The following DLG2 variants were observed in gnomAD, a reference collection of about 807,000 sequenced individuals.
DLG2 encodes the protein discs large MAGUK scaffold protein 2, also known as disks large homolog 2.
Under a neutral mutation model 132.5 loss-of-function variants are expected in DLG2, and 45 were observed. The observed-to-expected ratio is 0.34, with a 90% confidence interval of 0.27 to 0.44. The LOEUF (loss-of-function observed/expected upper bound fraction) is 0.44, where lower values mean the gene tolerates loss of function less well. Ranked by LOEUF, DLG2 falls within the 20% of genes least tolerant of loss-of-function variation. The pLI is 1.00. For synonymous variants in DLG2, 424 were observed against 419.6 expected (o/e 1.01, Z -0.13); for missense variants, 1,045 against 1,196.9 (o/e 0.87, Z 1.87).
At chr11:84,520,522 T>G (rs2099293697) in intron 7 of DLG2, among the ~76,000 whole-genome samples, 1 of 152,190 alleles carries the variant, frequency 6.6e-6, no homozygotes, top group Admixed American at 6.5e-5. Flanking sequence ...ACATTGGTTG[T>G]TTGGAAGTCC....
In DLG2 at chr11:83,457,548, C is replaced by G. The variant is rs1160526041; in HGVS notation, c.*2270G>C. ...GGGTTGGTGGTTCAATTTGATTGTA[C>G]TTAGCCACAGCAACACTAGTAAATG... On this transcript the variant is annotated 3_prime_UTR_variant, in exon 28 of 28. Transcript: ENST00000376104. 1 of 152,590 alleles carries G rather than the reference C, an allele frequency of 6.6e-6. No homozygotes were observed. Among genetic ancestry groups the G allele is most frequent in the Non-Finnish European group, 1.5e-5 (1 of 68,038 alleles). The allele number at this position is 152,590 out of a possible 1,614,324, so 9.5% of individuals were successfully genotyped here.
At chr11:84,161,862 T>C (rs2095554661) in intron 9 of DLG2, among the ~76,000 whole-genome samples, 1 of 152,158 alleles carries the variant, frequency 6.6e-6, no homozygotes, top group Non-Finnish European at 1.5e-5. Flanking sequence ...TTTTGTCTCA[T>C]TTGAGCTCAT....
chr11:85,560,681 T>A (rs1036240477), intron 3 of DLG2, among the ~76,000 whole-genome samples: 11 of 151,894 alleles, frequency 7.2e-5, no homozygotes, highest in African/African-American at 2.7e-4. Flanking sequence ...GATACACTTA[T>A]AATGGATAAA....
intron 2 of DLG2, among the ~76,000 whole-genome samples, chr11:85,624,073 C>A (rs2153277220): frequency 6.6e-6 from 1 of 152,194 alleles, no homozygotes; most frequent in South Asian, 2.1e-4. Context: ...GGAAAAAAAA[C>A]CTTCTATGAG....
At chr11:85,054,954 C>T (rs574776581) in intron 6 of DLG2, among the ~76,000 whole-genome samples, 7 of 152,186 alleles carry the variant, frequency 4.6e-5, no homozygotes, top group African/African-American at 9.6e-5. Flanking sequence ...CCAGTACGAA[C>T]GCAGCATCAT....
intron 18 of DLG2, among the ~76,000 whole-genome samples, chr11:83,674,693 T>C (rs2077393666): frequency 6.6e-6 from 1 of 152,252 alleles, no homozygotes; most frequent in Non-Finnish European, 1.5e-5. Context: ...GACTCAAGCA[T>C]GTTTTCTGAG....
intron 14 of DLG2, among the ~76,000 whole-genome samples, chr11:83,945,991 CTCTTTTTT>C (rs1048410375): frequency 8.6e-6 from 1 of 116,504 alleles, no homozygotes; most frequent in Non-Finnish European, 1.6e-5. Flanking sequence ...TTCTCTCTCT[CTCTTTTTT>C]TTTTTTTTTT....
At chr11:84,931,549 T>A (rs1402542071) in intron 6 of DLG2, among the ~76,000 whole-genome samples, 1 of 152,176 alleles carries the variant, frequency 6.6e-6, no homozygotes, top group African/African-American at 2.4e-5. Context: ...GAAGAAAACA[T>A]ACCACATTTC....
chr11:84,535,653 T>C (rs1329596494), intron 6 of DLG2, among the ~76,000 whole-genome samples: 1 of 152,202 alleles, frequency 6.6e-6, no homozygotes, highest in Non-Finnish European at 1.5e-5. Flanking sequence ...CTCCATCCTA[T>C]TTCTGTGTCT....
At chr11:84,351,127 G>GAA (rs142032512) in intron 7 of DLG2, among the ~76,000 whole-genome samples, 1 of 150,478 alleles carries the variant, frequency 6.6e-6, no homozygotes, top group African/African-American at 2.4e-5. Flanking sequence ...TTCTCCAGAT[G>GAA]AAAAAAAAAG....
chr11:84,553,362 A>G (rs1040595949), intron 6 of DLG2, among the ~76,000 whole-genome samples: 1 of 152,214 alleles, frequency 6.6e-6, no homozygotes, highest in Non-Finnish European at 1.5e-5. Flanking sequence ...TTTTCAGTTG[A>G]TAAGACTGAT....
intron 7 of DLG2, among the ~76,000 whole-genome samples, chr11:84,331,197 CTACCATT>C (rs1447635168): frequency 6.6e-6 from 1 of 152,076 alleles, no homozygotes; most frequent in African/African-American, 2.4e-5. Context: ...GCAGCTGGAG[CTACCATT>C]TATTGATCAT....
chr11:83,577,472 A>T lies in DLG2; in HGVS notation c.1941-35614T>A, dbSNP rs188607253. Among the ~76,000 whole-genome samples the T allele has an allele frequency of 5.7e-3, 753 of 131,344 alleles. 4 individuals carry two copies. Among genetic ancestry groups the T allele is most frequent in the Middle Eastern group, 0.016 (4 of 252 alleles). The allele number at this position is 131,344 out of a possible 152,430, so 86.2% of individuals were successfully genotyped here. A position where few individuals can be genotyped will look rare whatever the true frequency, so the allele number is the denominator to read the frequency against. ...GGAACTAATAGGATATATATATATA[A>T]AATAGGATATATTATATATATATAT... is the stretch of plus-strand genomic sequence containing the variant. On this transcript the variant is annotated intron_variant, in intron 19 of 27. Coordinates refer to ENST00000376104, the MANE Select transcript of DLG2 (RefSeq NM_001142699.3).
chr11:84,143,782 G>C (rs1206507784), intron 9 of DLG2, among the ~76,000 whole-genome samples: 2 of 152,102 alleles, frequency 1.3e-5, no homozygotes, highest in African/African-American at 4.8e-5. Context: ...CACTGAAGCA[G>C]GTATTCATTG....
intron 11 of DLG2, among the ~76,000 whole-genome samples, chr11:84,039,230 T>C (rs1010318072): frequency 7.2e-5 from 11 of 151,816 alleles, no homozygotes; most frequent in Middle Eastern, 3.2e-3. Flanking sequence ...TTTTTTTTTA[T>C]TATTATACTT....
intron 4 of DLG2, among the ~76,000 whole-genome samples, chr11:85,157,799 G>A (rs1276973614): frequency 6.6e-5 from 10 of 152,160 alleles, no homozygotes. Context: ...GAATGGCAAT[G>A]TTTGGGAGGT....
chr11:85,087,392 T>C (rs1026860458), intron 6 of DLG2, among the ~76,000 whole-genome samples: 7 of 152,206 alleles, frequency 4.6e-5, no homozygotes, highest in Non-Finnish European at 1.0e-4. Flanking sequence ...GGTGCCAGTC[T>C]TTCAGTGTAT....
intron 6 of DLG2, among the ~76,000 whole-genome samples, chr11:84,648,147 T>C (rs935931295): frequency 2.0e-5 from 3 of 152,220 alleles, no homozygotes; most frequent in African/African-American, 4.8e-5. Context: ...GTCATCTTAT[T>C]TGGCACTTTT....
chr11:83,994,782 A>G (rs1215473671), intron 11 of DLG2, among the ~76,000 whole-genome samples: 1 of 152,144 alleles, frequency 6.6e-6, no homozygotes, highest in Non-Finnish European at 1.5e-5. Flanking sequence ...TCTGCAGGCT[A>G]GAAGACCAAG....
Sources: allele counts gnomAD v4.1 joint callset (sites outside exome capture counted in the v4.1 genomes callset), GRCh38; gene constraint gnomAD v4.1.1; transcripts MANE v1.5; gene names NCBI Gene and HGNC (gene_info 2026-07-23, HGNC 2026-07-21).